The following TNFRSF10C variants were observed in gnomAD, a reference collection of about 807,000 sequenced individuals.
TNFRSF10C encodes tumor necrosis factor receptor superfamily member 10C.
In TNFRSF10C, 17 loss-of-function variants were observed where a neutral mutation model predicts 16.7. That is an observed-to-expected ratio of 1.02 (90% confidence interval 0.70 to 1.53). The LOEUF (loss-of-function observed/expected upper bound fraction) is 1.53. Ranked by LOEUF, TNFRSF10C falls within the 40% of genes most tolerant of loss-of-function variation. TNFRSF10C has a pLI of 0.00. For synonymous variants in TNFRSF10C, 73 were observed against 119.7 expected, an observed-to-expected ratio of 0.61 and a Z score of 2.55; for missense variants, 237 against 329.7, an observed-to-expected ratio of 0.72 and a Z score of 2.18.
intron 1 of TNFRSF10C, among the ~76,000 whole-genome samples, chr8:23,108,687 C>A (rs11779793): frequency 0.11 from 16,769 of 152,228 alleles, 1,193 homozygotes; most frequent in East Asian, 0.33. Context: ...AAGAGATTAA[C>A]TCAGCTGTTT....
intron 1 of TNFRSF10C, among the ~76,000 whole-genome samples, chr8:23,107,347 C>T (rs775326472): frequency 9.9e-5 from 15 of 152,102 alleles, no homozygotes; most frequent in Non-Finnish European, 1.6e-4. Context: ...AGGAGCAAAG[C>T]GGAAGAGAGG....
chr8:23,111,625 G>A, intron 1 of TNFRSF10C, 95 bp from the exon 2 acceptor site: 1 of 949,658 alleles, frequency 1.1e-6, no homozygotes, highest in Non-Finnish European at 1.7e-6. Flanking sequence ...AGCTCTGATG[G>A]GTTTTGTCAC....
At chr8:23,103,221 C>A in intron 1 of TNFRSF10C, 40 bp downstream of exon 1, 1 of 1,595,430 alleles carries the variant, frequency 6.3e-7, no homozygotes, top group Non-Finnish European at 8.5e-7. Flanking sequence ...GAAGAGCGCA[C>A]CTGGCGCCGG....
intron 1 of TNFRSF10C, among the ~76,000 whole-genome samples, chr8:23,105,092 A>G (rs1438937311): frequency 6.6e-6 from 1 of 152,104 alleles, no homozygotes; most frequent in African/African-American, 2.4e-5. Flanking sequence ...TCAAAGTAGG[A>G]ATTGAGAAGT....
intron 1 of TNFRSF10C, among the ~76,000 whole-genome samples, chr8:23,108,797 G>A (rs76666473): frequency 0.068 from 10,333 of 152,258 alleles, 511 homozygotes; most frequent in Non-Finnish European, 0.098. Context: ...TAAAGAGCAG[G>A]AGTGGAACAT....
At chr8:23,103,379 C>T in intron 1 of TNFRSF10C, 198 bp downstream of exon 1, 3 of 946,858 alleles carry the variant, frequency 3.2e-6, no homozygotes, top group Non-Finnish European at 4.8e-6. Flanking sequence ...CGCGAGGGAG[C>T]AGAGAGGCGG....
Position 23,103,164 on chromosome 8 carries a change from G to T in TNFRSF10C, c.43G>T (p.Val15Phe), listed in dbSNP as rs147367612. The change falls in exon 1 of 5, where the codon GTC becomes TTC. Residue 15 changes from valine (V) to phenylalanine (F), a missense_variant. Coordinates refer to ENST00000356864, the MANE Select transcript of TNFRSF10C (RefSeq NM_003841.5). ...GACCCTAAAGTTCGTCGTCGTCATC[G>T]TCGCGGTCCTGCTGCCAGTGAGTCC... ...PKTLKFVVVIVAVLLPVLAYS... is the reference protein window; with the variant it reads ...PKTLKFVVVIFAVLLPVLAYS... 594 of 1,611,782 alleles carry T rather than the reference G, an allele frequency of 3.7e-4. 2 individuals carry two copies. The African/African-American group carries it at 6.9e-3, about 19-fold the overall frequency.
chr8:23,111,938 A>G, intron 2 of TNFRSF10C, 113 bp downstream of exon 2: 1 of 1,064,482 alleles, frequency 9.4e-7, no homozygotes, highest in Non-Finnish European at 1.4e-6. Flanking sequence ...GGAATGGCTA[A>G]ATCAAGCTAA....
In TNFRSF10C at chr8:23,111,736, C is replaced by T. The variant is rs772468769; in HGVS notation, c.77C>T (p.Ala26Val). 2.5e-6 allele frequency: 4 copies of T among 1,613,880 alleles called. No homozygotes were observed. The Admixed American group carries it at 6.7e-5, about 27-fold the overall frequency. Residue 26 changes from alanine (A) to valine (V), a missense_variant, in exon 2 of 5, where the codon GCC becomes GTC. Coordinates refer to ENST00000356864, the MANE Select transcript of TNFRSF10C (RefSeq NM_003841.5). ...AVLLPVLAYSATTARQEEVPQ... is the reference protein window; with the variant it reads ...AVLLPVLAYSVTTARQEEVPQ... ...TCCCCACAGGTCCTAGCTTACTCTGCCACCACTGCCCGGCAGGAGGAAGTT... is the reference window on the plus strand; with the variant it reads ...TCCCCACAGGTCCTAGCTTACTCTGTCACCACTGCCCGGCAGGAGGAAGTT...
intron 1 of TNFRSF10C, among the ~76,000 whole-genome samples, chr8:23,108,446 C>T (rs1261578128): frequency 6.6e-6 from 1 of 152,202 alleles, no homozygotes; most frequent in African/African-American, 2.4e-5. Context: ...CAGTTATCAA[C>T]TACCTGATGG....
chr8:23,106,526 C>T (rs1205913100), intron 1 of TNFRSF10C, among the ~76,000 whole-genome samples: 3 of 150,672 alleles, frequency 2.0e-5, no homozygotes, highest in Non-Finnish European at 4.4e-5. Flanking sequence ...TCAAGTTTTA[C>T]CTGGCATGGA....
At chr8:23,104,503 T>G (rs1813739408) in intron 1 of TNFRSF10C, among the ~76,000 whole-genome samples, 2 of 152,238 alleles carry the variant, frequency 1.3e-5, no homozygotes, top group African/African-American at 4.8e-5. Context: ...TACCCTTGTA[T>G]GTATCGTGTG....
intron 1 of TNFRSF10C, 67 bp downstream of exon 1, chr8:23,103,248 G>A (rs1311452917): frequency 2.5e-6 from 4 of 1,573,874 alleles, no homozygotes; most frequent in Admixed American, 1.9e-5. Flanking sequence ...GCAGGGAGAC[G>A]GGGACACGGC....
chr8:23,110,802 G>A (rs530184217), intron 1 of TNFRSF10C, among the ~76,000 whole-genome samples: 3 of 152,172 alleles, frequency 2.0e-5, no homozygotes, highest in African/African-American at 7.2e-5. Context: ...GTATGTTTAA[G>A]TGTGTGTCTG....
At chr8:23,104,581 T>C (rs1305406037) in intron 1 of TNFRSF10C, among the ~76,000 whole-genome samples, 904 of 152,178 alleles carry the variant, frequency 5.9e-3, no homozygotes, top group African/African-American at 0.019. Flanking sequence ...TCTCCTTCTG[T>C]GGGATAAATG....
intron 3 of TNFRSF10C, 89 bp from the exon 4 acceptor site, chr8:23,115,419 T>G: frequency 8.9e-7 from 1 of 1,126,398 alleles, no homozygotes. Flanking sequence ...GTGAACTTGG[T>G]TGAGCTGAGT....
In TNFRSF10C at chr8:23,116,693, C is replaced by G; in HGVS notation, c.442C>G (p.Gln148Glu). 6.2e-7 allele frequency: 1 copy of G among 1,614,216 alleles called. No homozygotes were observed. Among genetic ancestry groups the G allele is most frequent in the Non-Finnish European group, 8.5e-7 (1 of 1,180,036 alleles). ...VSNCTSWDDI[Q>E]CVEEFGANAT... ...TAATTGTACGTCCTGGGATGATATC[C>G]AGTGTGTTGAAGAATTTGGTGCCAA... is the stretch of plus-strand genomic sequence containing the variant. The change falls in exon 5 of 5, where the codon CAG (glutamine) becomes GAG (glutamate). Residue 148 changes from glutamine to glutamate, a missense_variant. Around this residue, in one of 2 missense-constraint regions of TNFRSF10C, gnomAD observed 212 missense variants for 196.8 expected, o/e 1.08. Transcript: ENST00000356864.
Position 23,117,269 on chromosome 8 carries a change from C to T in TNFRSF10C, c.*238C>T, listed in dbSNP as rs1814009845. On this transcript the variant is annotated 3_prime_UTR_variant, in exon 5 of 5. Transcript: ENST00000356864. The stretch of plus-strand genomic sequence containing the variant: ...CAGGACCCTGGTCTCATCAGTCCCT[C>T]TCCTGGAGCTGGGGGTCCACACATC... The T allele has an allele frequency of 1.6e-6, 1 of 617,492 alleles. No individual in the cohort carries two copies. 38.3% of individuals were successfully genotyped at this position (617,492 alleles called of 1,614,324 possible).
intron 1 of TNFRSF10C, among the ~76,000 whole-genome samples, chr8:23,105,460 C>T (rs137941902): frequency 1.3e-5 from 2 of 152,194 alleles, no homozygotes; most frequent in African/African-American, 4.8e-5. Flanking sequence ...GGGTGGAGCA[C>T]CACGGGGAGG....
Sources: gnomAD v4.1 joint callset for allele counts (sites outside exome capture counted in the v4.1 genomes callset) on GRCh38, gnomAD v4.1.1 for gene constraint, gnomAD v4.1.1 regional missense constraint, MANE v1.5 for transcripts, NCBI Gene and HGNC (gene_info 2026-07-23, HGNC 2026-07-21) for gene names.